The following SULF1 variants were observed in gnomAD, a reference collection of about 807,000 sequenced individuals.
SULF1 encodes the protein extracellular sulfatase Sulf-1.
SULF1 carries 46 observed loss-of-function variants against 110.5 expected under a neutral mutation model. That is an observed-to-expected ratio of 0.42 (90% confidence interval 0.33 to 0.53). The LOEUF is 0.53. SULF1 is among the 20% of genes least tolerant of loss of function. The pLI, the probability that SULF1 is intolerant of heterozygous loss-of-function variation, is 0.12. For synonymous variants in SULF1, 371 were observed against 387.1 expected (o/e 0.96, Z 0.49); for missense variants, 941 against 1,094.2 (o/e 0.86, Z 1.98).
In SULF1 at chr8:69,471,655, A is replaced by ACCTC. The variant is rs1316220719; in HGVS notation, c.-391+4706_-391+4709dup. On this transcript the variant is annotated intron_variant, in intron 1 of 22. Transcript: ENST00000260128. ...AGACCTGTGTTCTAATCCAGGGACC[A>ACCTC]CCTCTCTAGCTGTGTGGCCTTGGAC... is the stretch of plus-strand genomic sequence containing the variant. Among the ~76,000 whole-genome samples the ACCTC allele has an allele frequency of 3.3e-5, 5 of 152,222 alleles. No homozygotes were observed. The South Asian group carries it at 8.3e-4, about 25-fold the overall frequency.
intron 22 of SULF1, among the ~76,000 whole-genome samples, chr8:69,648,619 C>G (rs533099833): frequency 6.6e-6 from 1 of 152,310 alleles, no homozygotes; most frequent in Admixed American, 6.5e-5. Context: ...CTGGTACTTT[C>G]AGGACATTGC....
intron 22 of SULF1, chr8:69,642,411 T>C: frequency 1.0e-6 from 1 of 987,046 alleles, no homozygotes; most frequent in Non-Finnish European, 1.2e-6. Context: ...ATGTATGTCT[T>C]CTTTTTTCTA....
At chr8:69,560,834 A>C (rs12115095) in intron 3 of SULF1, among the ~76,000 whole-genome samples, 1,686 of 152,268 alleles carry the variant, frequency 0.011, 29 homozygotes, top group African/African-American at 0.039. Context: ...GTGTTTCTAG[A>C]GTGGCATGTT....
intron 3 of SULF1, among the ~76,000 whole-genome samples, chr8:69,505,915 C>T (rs1811157652): frequency 6.6e-6 from 1 of 151,404 alleles, no homozygotes; most frequent in Non-Finnish European, 1.5e-5. Context: ...TTAAATCACA[C>T]ACTTAACCCA....
intron 13 of SULF1, among the ~76,000 whole-genome samples, chr8:69,618,271 G>A (rs535572457): frequency 1.3e-5 from 2 of 152,266 alleles, no homozygotes; most frequent in Admixed American, 6.5e-5. Context: ...CTATCCGTGG[G>A]TTCTACATCT....
intron 3 of SULF1, among the ~76,000 whole-genome samples, chr8:69,507,674 A>C (rs769722507): frequency 9.9e-5 from 15 of 152,216 alleles, no homozygotes; most frequent in Admixed American, 4.6e-4. Flanking sequence ...TTATAATAGG[A>C]GAATTGAAGT....
chr8:69,467,630 G>A (rs1157204463), intron 1 of SULF1, among the ~76,000 whole-genome samples: 1 of 152,174 alleles, frequency 6.6e-6, no homozygotes, highest in African/African-American at 2.4e-5. Flanking sequence ...AGCAGATGGA[G>A]GTAATTGATT....
intron 12 of SULF1, 41 bp downstream of exon 12, chr8:69,603,697 AG>A (rs1193348143): frequency 7.4e-7 from 1 of 1,347,502 alleles, no homozygotes; most frequent in Non-Finnish European, 1.1e-6. Context: ...AACCAGTCCT[AG>A]TGGGCAGCTT....
intron 14 of SULF1, among the ~76,000 whole-genome samples, chr8:69,623,610 T>G (rs183726033): frequency 6.6e-6 from 1 of 152,298 alleles, no homozygotes; most frequent in African/African-American, 2.4e-5. Context: ...GAAAACCAAA[T>G]GTAGAAGTTC....
At chr8:69,648,594 G>A (rs1182179842) in intron 22 of SULF1, among the ~76,000 whole-genome samples, 1 of 152,196 alleles carries the variant, frequency 6.6e-6, no homozygotes, top group Admixed American at 6.5e-5. Context: ...TACAAACACT[G>A]AGGAAGGAGA....
intron 8 of SULF1, among the ~76,000 whole-genome samples, chr8:69,595,995 A>G (rs971266669): frequency 2.6e-5 from 4 of 152,182 alleles, no homozygotes; most frequent in African/African-American, 9.7e-5. Flanking sequence ...AGTAAGCAAT[A>G]CCGGAAAGAA....
chr8:69,475,963 G>C (rs137899179), intron 1 of SULF1, among the ~76,000 whole-genome samples: 1,622 of 152,200 alleles, frequency 0.011, 31 homozygotes, highest in African/African-American at 0.037. Flanking sequence ...CTATAACTTT[G>C]GGGAAGTTAC....
At chr8:69,655,070 T>C (rs1812617688) in intron 22 of SULF1, among the ~76,000 whole-genome samples, 1 of 152,194 alleles carries the variant, frequency 6.6e-6, no homozygotes, top group East Asian at 1.9e-4. Flanking sequence ...AAAATGGGTC[T>C]ACAAAACCCA....
intron 21 of SULF1, among the ~76,000 whole-genome samples, chr8:69,640,179 G>GAA (rs770423459): frequency 4.1e-4 from 62 of 149,580 alleles, no homozygotes; most frequent in African/African-American, 8.8e-4. Flanking sequence ...AAGAAAGAAA[G>GAA]AGAAAAGAAA....
At position 69,603,625 on chromosome 8, in the gene SULF1, A is replaced by C; in HGVS notation, c.1216A>C (p.Ile406Leu). ...NRFRTNKKAK[I>L]WRDTFLVERG... ...GTTTCGAACAAACAAGAAGGCCAAA[A>C]TTTGGCGTGATACATTCCTAGTGGA... The change falls in exon 12 of 23, where the codon ATT becomes CTT. Residue 406 changes from isoleucine to leucine, a missense_variant. Ile to Leu is a conservative substitution (Grantham distance 5). Coordinates refer to ENST00000402687, the MANE Select transcript of SULF1 (RefSeq NM_001128205.2). The C allele has an allele frequency of 6.2e-7, 1 of 1,613,982 alleles. No individual in the cohort carries two copies. The highest frequency in any genetic ancestry group is 8.5e-7 in the Non-Finnish European group (1 of 1,179,802).
intron 3 of SULF1, among the ~76,000 whole-genome samples, chr8:69,552,354 A>G (rs554765683): frequency 6.6e-6 from 1 of 152,356 alleles, no homozygotes; most frequent in African/African-American, 2.4e-5. Flanking sequence ...GAAGGAAGTC[A>G]GTAAGTTGTC....
chr8:69,548,466 G>C (rs893288022), intron 3 of SULF1, among the ~76,000 whole-genome samples: 22 of 114,716 alleles, frequency 1.9e-4, no homozygotes, highest in Admixed American at 1.8e-3. Context: ...TTTTTTTTTT[G>C]ATGGAGTCTC....
chr8:69,533,273 C>T (rs904534562), intron 3 of SULF1, among the ~76,000 whole-genome samples: 2 of 152,184 alleles, frequency 1.3e-5, no homozygotes, highest in Admixed American at 1.3e-4. Flanking sequence ...TTCCAGGGTA[C>T]ATGTGCAGGA....
chr8:69,571,816 A>G (rs1805256252), intron 5 of SULF1, among the ~76,000 whole-genome samples: 1 of 152,248 alleles, frequency 6.6e-6, no homozygotes, highest in Non-Finnish European at 1.5e-5. Flanking sequence ...AGGGTAAGGC[A>G]GTGTTATTGA....
Sources: allele counts gnomAD v4.1 joint callset (sites outside exome capture counted in the v4.1 genomes callset), GRCh38; gene constraint gnomAD v4.1.1; transcripts MANE v1.5; gene names NCBI Gene and HGNC (gene_info 2026-07-23, HGNC 2026-07-21).